The following PSD3 variants were observed in gnomAD, a reference collection of about 807,000 sequenced individuals.
PSD3 encodes PH and SEC7 domain-containing protein 3.
PSD3 carries 49 observed loss-of-function variants against 105.5 expected under a neutral mutation model. The ratio of observed to expected loss-of-function variants is 0.46; its 90% CI spans 0.37 to 0.59. The LOEUF is 0.59. Among genes scored for constraint, PSD3 ranks in the 20% least tolerant of loss-of-function variants. The pLI is 0.00. For synonymous variants in PSD3, 557 were observed against 457.8 expected (o/e 1.22, Z -2.77); for missense variants, 1,561 against 1,263.8 (o/e 1.24, Z -3.57).
At chr8:18,841,467 A>AACACACACAC (rs35771611) in intron 4 of PSD3, among the ~76,000 whole-genome samples, 3,652 of 148,210 alleles carry the variant, frequency 0.025, 54 homozygotes, top group Non-Finnish European at 0.035. Flanking sequence ...CTGCTATTTA[A>AACACACACAC]ACACACACAC....
chr8:18,987,761 CGT>C (rs1325348906), intron 1 of PSD3, among the ~76,000 whole-genome samples: 1 of 151,892 alleles, frequency 6.6e-6, no homozygotes, highest in Non-Finnish European at 1.5e-5. Context: ...AGCAGTGAGC[CGT>C]GACTGCATCA....
intron 2 of PSD3, among the ~76,000 whole-genome samples, chr8:18,880,582 A>G (rs985726374): frequency 2.6e-5 from 4 of 151,756 alleles, no homozygotes; most frequent in Admixed American, 2.6e-4. Flanking sequence ...CTCCCACGAC[A>G]CTCTACTTGG....
intron 8 of PSD3, among the ~76,000 whole-genome samples, chr8:18,776,830 C>T (rs767337636): frequency 6.6e-6 from 1 of 152,148 alleles, no homozygotes; most frequent in African/African-American, 2.4e-5. Flanking sequence ...CGATGAACTT[C>T]GTGGTTCTTG....
chr8:18,686,748 C>T (rs76414397), intron 9 of PSD3, among the ~76,000 whole-genome samples: 1 of 152,258 alleles, frequency 6.6e-6, no homozygotes, highest in Non-Finnish European at 1.5e-5. Flanking sequence ...GAGTGCGTGG[C>T]ACTTTAGCTT....
At chr8:19,059,076 G>A (rs758759543) in intron 1 of PSD3, among the ~76,000 whole-genome samples, 13 of 152,182 alleles carry the variant, frequency 8.5e-5, no homozygotes, top group South Asian at 2.1e-4. Flanking sequence ...GAGGCTGAAC[G>A]CTGCCCATGG....
chr8:18,542,484 C>T (rs539558220), intron 15 of PSD3, among the ~76,000 whole-genome samples: 36 of 152,266 alleles, frequency 2.4e-4, no homozygotes, highest in African/African-American at 8.4e-4. Flanking sequence ...ATTATATCTT[C>T]GCTTTGATAA....
rs150071795 is a variant in PSD3, at chr8:18,627,070, T to C, written c.2410+5543A>G. Among the ~76,000 whole-genome samples, 4 of 152,236 alleles carry C rather than the reference T, an allele frequency of 2.6e-5. No individual in the cohort carries two copies. In the East Asian group the frequency reaches 7.7e-4, roughly 29 times the overall value. On this transcript the variant is annotated intron_variant, in intron 11 of 15. Coordinates refer to ENST00000327040, the MANE Select transcript of PSD3 (RefSeq NM_015310.4). ...ACTATAATAACTTAAAAAGTCTATG[T>C]AAGTATATAAAACAAAACTTTTTAG...
chr8:19,002,354 C>A (rs1423474477), intron 1 of PSD3, among the ~76,000 whole-genome samples: 28 of 151,916 alleles, frequency 1.8e-4, no homozygotes, highest in Non-Finnish European at 2.9e-5. Context: ...AAGAGCTTGA[C>A]CCTGAGGCAC....
intron 11 of PSD3, among the ~76,000 whole-genome samples, chr8:18,604,565 G>T (rs188187330): frequency 2.0e-5 from 3 of 152,198 alleles, no homozygotes; most frequent in Admixed American, 2.0e-4. Flanking sequence ...CCTATTTTCA[G>T]AAGAGGAATT....
intron 9 of PSD3, among the ~76,000 whole-genome samples, chr8:18,702,308 G>T (rs1216451486): frequency 6.6e-6 from 1 of 152,200 alleles, no homozygotes; most frequent in Non-Finnish European, 1.5e-5. Context: ...TTTTTGGTGT[G>T]TGTTTATGTA....
At chr8:18,684,069 G>A (rs1800525467) in intron 9 of PSD3, 1 of 602,920 alleles carries the variant, frequency 1.7e-6, no homozygotes, top group African/African-American at 1.8e-5. Context: ...GTTAGCTTAA[G>A]AAGCACCAGG....
At chr8:18,920,185 C>T (rs1489061368) in intron 2 of PSD3, among the ~76,000 whole-genome samples, 1 of 152,076 alleles carries the variant, frequency 6.6e-6, no homozygotes, top group African/African-American at 2.4e-5. Flanking sequence ...CGCTTTAAAA[C>T]AGCAATTCTC....
At position 18,804,596 on chromosome 8, in the gene PSD3, T is replaced by C. The variant is rs764190854; in HGVS notation, c.1836A>G (p.Glu612=). ...DVAKHLGKNN[E]FSKLVAEEYL... is the part of the protein sequence containing the mutation. The stretch of plus-strand genomic sequence containing the variant: ...ATTCTTCTGCAACTAGTTTGCTAAA[T>C]TCGTTGCTATAAGAAAACAGAATAG... Residue 612 remains glutamate, a synonymous_variant, in exon 6 of 16, where the codon GAA becomes GAG. Coordinates refer to ENST00000327040, the MANE Select transcript of PSD3 (RefSeq NM_015310.4). 6.2e-7 allele frequency: 1 copy of C among 1,613,000 alleles called. No homozygotes were observed. Among genetic ancestry groups the C allele is most frequent in the Non-Finnish European group, 8.5e-7 (1 of 1,179,018 alleles).
At position 18,701,376 on chromosome 8, in the gene PSD3, G is replaced by A. The variant is rs1801573601; in HGVS notation, c.2173-45691C>T. On this transcript the variant is annotated intron_variant, in intron 9 of 15. Transcript: ENST00000327040. ...ATAAATAATTTCAAACACAATACAA[G>A]TCTCATTCAGCTTGCTATAAATTTT... Among the ~76,000 whole-genome samples, 4 of 152,066 alleles carry A rather than the reference G, an allele frequency of 2.6e-5. No homozygotes were observed. The South Asian group carries it at 8.3e-4, about 31-fold the overall frequency.
chr8:18,697,061 A>G (rs1801300257), intron 9 of PSD3, among the ~76,000 whole-genome samples: 1 of 152,224 alleles, frequency 6.6e-6, no homozygotes. Context: ...TGGGCAACAT[A>G]GTAAGACTCT....
At chr8:18,585,754 C>T (rs1045233817) in intron 12 of PSD3, among the ~76,000 whole-genome samples, 2 of 152,164 alleles carry the variant, frequency 1.3e-5, no homozygotes, top group African/African-American at 4.8e-5. Flanking sequence ...CAGGTGTTTT[C>T]ATGTATTTAA....
At chr8:18,908,222 G>T (rs1010311868) in intron 2 of PSD3, among the ~76,000 whole-genome samples, 2 of 152,128 alleles carry the variant, frequency 1.3e-5, no homozygotes, top group African/African-American at 4.8e-5. Context: ...AAGGTGGAGT[G>T]GAGGCCCCCC....
At position 18,796,826 on chromosome 8, in the gene PSD3, T is replaced by A. The variant is rs982796873; in HGVS notation, c.2082+2469A>T. Among the ~76,000 whole-genome samples, 5 of 152,190 alleles carry A rather than the reference T, an allele frequency of 3.3e-5. No individual in the cohort carries two copies. The East Asian group carries it at 5.8e-4, about 18-fold the overall frequency. ...TAATGGTTGATTAGTGTATTCCCCA[T>A]GAAGATTATTCTGGCATCGGATCAA... On this transcript the variant is annotated intron_variant, in intron 8 of 15. Transcript: ENST00000327040.
intron 10 of PSD3, among the ~76,000 whole-genome samples, chr8:18,648,289 C>T (rs1437046279): frequency 2.6e-5 from 4 of 152,132 alleles, no homozygotes; most frequent in African/African-American, 4.8e-5. Context: ...GATAGTGATA[C>T]GGACAATAAA....
Sources: gnomAD v4.1 joint callset for allele counts (sites outside exome capture counted in the v4.1 genomes callset) on GRCh38, gnomAD v4.1.1 for gene constraint, MANE v1.5 for transcripts, NCBI Gene and HGNC (gene_info 2026-07-23, HGNC 2026-07-21) for gene names.